Variants in TNIK observed in about 807,000 individuals in gnomAD.
TNIK encodes TRAF2 and NCK interacting kinase.
Under a neutral mutation model 191.3 loss-of-function variants are expected in TNIK, and 49 were observed. The observed-to-expected ratio is 0.26, with a 90% CI of 0.20 to 0.32. The LOEUF is 0.32. TNIK is among the 10% of genes least tolerant of loss of function. The probability of loss-of-function intolerance (pLI) is 1.00; values close to 1 mark genes in which losing one functional copy is unlikely to be tolerated. For missense variants in TNIK, 1,155 were observed against 1,702.3 expected (o/e 0.68, Z 5.66); for synonymous variants, 594 against 600.9 (o/e 0.99, Z 0.17).
chr3:171,194,658 C>T (rs186976002), intron 4 of TNIK, 23 bp from the exon 5 acceptor site: 17 of 1,608,948 alleles, frequency 1.1e-5, no homozygotes, highest in East Asian at 8.9e-5. Flanking sequence ...GCAAACAAGC[C>T]ATTATTTTAA....
At chr3:171,182,897 C>T (rs1736840170) in intron 7 of TNIK, among the ~76,000 whole-genome samples, 1 of 152,120 alleles carries the variant, frequency 6.6e-6, no homozygotes, top group Non-Finnish European at 1.5e-5. Flanking sequence ...CAACTCTGAG[C>T]CCATGAAAAG....
intron 12 of TNIK, among the ~76,000 whole-genome samples, chr3:171,152,933 G>A (rs924189633): frequency 3.3e-5 from 5 of 151,506 alleles, no homozygotes; most frequent in African/African-American, 7.3e-5. Flanking sequence ...CACCACACCC[G>A]GCTATTTTTT....
chr3:171,408,874 G>A (rs1722046153), intron 1 of TNIK, among the ~76,000 whole-genome samples: 1 of 152,112 alleles, frequency 6.6e-6, no homozygotes, highest in African/African-American at 2.4e-5. Flanking sequence ...GCAAATGTTA[G>A]GAGATATTGT....
chr3:171,133,252 T>C (rs371383847), intron 15 of TNIK, among the ~76,000 whole-genome samples: 92 of 152,180 alleles, frequency 6.0e-4, no homozygotes, highest in Non-Finnish European at 1.1e-3. Flanking sequence ...ATGGAGCACA[T>C]ACTTAAAAGT....
chr3:171,322,356 C>G (rs1755251826), intron 2 of TNIK, among the ~76,000 whole-genome samples: 1 of 152,092 alleles, frequency 6.6e-6, no homozygotes, highest in Non-Finnish European at 1.5e-5. Context: ...GAATCATTCT[C>G]ATTTAAAATT....
intron 7 of TNIK, among the ~76,000 whole-genome samples, chr3:171,181,338 T>A (rs1736626073): frequency 6.6e-6 from 1 of 152,220 alleles, no homozygotes; most frequent in African/African-American, 2.4e-5. Flanking sequence ...TTCCTTCTTC[T>A]CCACTGTCAG....
intron 2 of TNIK, among the ~76,000 whole-genome samples, chr3:171,348,490 AC>A (rs1712621056): frequency 6.6e-6 from 1 of 152,168 alleles, no homozygotes; most frequent in Admixed American, 6.5e-5. Context: ...TTAGATGCAG[AC>A]AGCACAGGAC....
intron 2 of TNIK, among the ~76,000 whole-genome samples, chr3:171,311,826 CT>C (rs1237913419): frequency 2.0e-5 from 3 of 152,154 alleles, no homozygotes; most frequent in African/African-American, 7.2e-5. Context: ...ATATTTCCCT[CT>C]TTCATCATCA....
At chr3:171,303,213 A>G (rs1753066567) in intron 2 of TNIK, among the ~76,000 whole-genome samples, 5 of 152,196 alleles carry the variant, frequency 3.3e-5, no homozygotes, top group Admixed American at 3.3e-4. Context: ...AAGTAAATAG[A>G]CAGTTACTAC....
intron 28 of TNIK, among the ~76,000 whole-genome samples, chr3:171,074,478 A>G (rs1462801257): frequency 6.6e-6 from 1 of 152,148 alleles, no homozygotes; most frequent in Non-Finnish European, 1.5e-5. Flanking sequence ...CCATGAAACA[A>G]ACCTGCATAT....
intron 2 of TNIK, among the ~76,000 whole-genome samples, chr3:171,301,036 C>T (rs1752819570): frequency 6.6e-6 from 1 of 151,944 alleles, no homozygotes. Context: ...AAATATTACC[C>T]CATGGATTAC....
At chr3:171,445,339 A>G (rs997964627) in intron 1 of TNIK, among the ~76,000 whole-genome samples, 3 of 151,874 alleles carry the variant, frequency 2.0e-5, no homozygotes, top group Non-Finnish European at 4.4e-5. Context: ...GAATCACCTG[A>G]GAACCGGAGG....
chr3:171,235,422 T>C (rs566306487), intron 2 of TNIK, among the ~76,000 whole-genome samples: 1 of 152,286 alleles, frequency 6.6e-6, no homozygotes, highest in African/African-American at 2.4e-5. Flanking sequence ...CGACAAAGTA[T>C]GTACATGCAG....
At chr3:171,205,796 C>T (rs916387180) in intron 4 of TNIK, among the ~76,000 whole-genome samples, 6 of 152,126 alleles carry the variant, frequency 3.9e-5, no homozygotes, top group Admixed American at 2.6e-4. Context: ...CCTGCAAAGC[C>T]CTGAATGATC....
intron 1 of TNIK, among the ~76,000 whole-genome samples, 194 bp downstream of exon 1, chr3:171,459,813 C>A (rs528429569): frequency 2.6e-5 from 4 of 152,046 alleles, no homozygotes; most frequent in African/African-American, 9.7e-5. Flanking sequence ...AGACACGTAC[C>A]GCACAGCCCC....
At chr3:171,294,472 G>A (rs1309960943) in intron 2 of TNIK, among the ~76,000 whole-genome samples, 1 of 152,076 alleles carries the variant, frequency 6.6e-6, no homozygotes, top group African/African-American at 2.4e-5. Context: ...TGTAATCCCA[G>A]CACTTTGGGA....
intron 2 of TNIK, among the ~76,000 whole-genome samples, chr3:171,344,995 T>C (rs751419676): frequency 1.3e-5 from 2 of 152,140 alleles, no homozygotes; most frequent in African/African-American, 4.8e-5. Context: ...CCTAAATTGA[T>C]GTTCCCTATC....
chr3:171,298,331 CT>C (rs139730304), intron 2 of TNIK, among the ~76,000 whole-genome samples: 2 of 152,128 alleles, frequency 1.3e-5, no homozygotes, highest in African/African-American at 2.4e-5. Context: ...ACAAATGGAA[CT>C]TTTTTTGCGA....
Position 171,084,225 on chromosome 3 carries a change from A to G in TNIK, c.3099T>C (p.His1033=), listed in dbSNP as rs756727882. The change falls in exon 26 of 33, where the codon CAT becomes CAC. Residue 1033 remains histidine (H), a synonymous_variant. Coordinates refer to ENST00000436636, the MANE Select transcript of TNIK (RefSeq NM_015028.4). ...VNVNPTNIRP[H]SDTPEIRKYK... ...ATTTTCTGATTTCTGGTGTGTCGCT[A>G]TGAGGCCGAATGTTGGTTGGGTTTA... The G allele has an allele frequency of 4.3e-6, 7 of 1,613,404 alleles. No homozygotes were observed. The highest frequency in any genetic ancestry group is 4.5e-5 in the East Asian group (2 of 44,854).
Sources: allele counts gnomAD v4.1 joint callset (sites outside exome capture counted in the v4.1 genomes callset), GRCh38; gene constraint gnomAD v4.1.1; transcripts MANE v1.5; gene names NCBI Gene and HGNC (gene_info 2026-07-23, HGNC 2026-07-21).